Variants in CNTN5 observed in about 807,000 individuals in gnomAD.
The protein encoded by CNTN5 is contactin-5.
In CNTN5, 77 loss-of-function variants were observed where a neutral mutation model predicts 129.1. The ratio of observed to expected loss-of-function variants is 0.60; its 90% CI spans 0.50 to 0.72. The LOEUF (loss-of-function observed/expected upper bound fraction) is 0.72. CNTN5 is among the 30% of genes least tolerant of loss of function. CNTN5 has a pLI of 0.00. For missense variants in CNTN5, 1,478 were observed against 1,328.8 expected (o/e 1.11, Z -1.75); for synonymous variants, 509 against 465.6 (o/e 1.09, Z -1.20).
intron 1 of CNTN5, among the ~76,000 whole-genome samples, 178 bp downstream of exon 1, chr11:99,021,448 T>A (rs1862865957): frequency 6.6e-6 from 1 of 152,182 alleles, no homozygotes; most frequent in Middle Eastern, 3.2e-3. Flanking sequence ...AAACACGACT[T>A]TATTTCCTGC....
intron 6 of CNTN5, among the ~76,000 whole-genome samples, chr11:99,855,673 A>G (rs192319922): frequency 2.5e-4 from 38 of 152,310 alleles, no homozygotes; most frequent in African/African-American, 9.1e-4. Flanking sequence ...CAAGTAAGGT[A>G]TCTAGATCCT....
intron 2 of CNTN5, among the ~76,000 whole-genome samples, chr11:99,511,014 T>C (rs932808367): frequency 2.0e-5 from 3 of 152,164 alleles, no homozygotes. Flanking sequence ...TCCTGACCCT[T>C]TGCAGGCCTC....
At chr11:99,586,070 T>G (rs545019548) in intron 3 of CNTN5, among the ~76,000 whole-genome samples, 2 of 152,270 alleles carry the variant, frequency 1.3e-5, no homozygotes, top group Non-Finnish European at 2.9e-5. Context: ...TATCATGTAT[T>G]TCATTCATTT....
chr11:100,166,612 A>AGTG (rs1435843287), intron 13 of CNTN5, among the ~76,000 whole-genome samples: 5 of 143,082 alleles, frequency 3.5e-5, no homozygotes, highest in African/African-American at 1.5e-4. Context: ...TTTAAGAAGA[A>AGTG]ATGTTATAAG....
intron 9 of CNTN5, among the ~76,000 whole-genome samples, chr11:100,040,913 C>T (rs1414972094): frequency 2.0e-5 from 3 of 152,178 alleles, no homozygotes; most frequent in South Asian, 2.1e-4. Context: ...TTCCCTGACC[C>T]CTTGTGCTTC....
Position 99,840,269 on chromosome 11 carries a change from T to C in CNTN5, c.278-4583T>C, listed in dbSNP as rs1383470358. On this transcript the variant is annotated intron_variant, in intron 4 of 24. Transcript: ENST00000524871. ...TAATGATAAAGAAAGAATACATACA[T>C]CTTAACTATGCAAAAAGGAATACAG... 2.6e-5 allele frequency among the ~76,000 whole-genome samples: 4 copies of C among 152,062 alleles called. No homozygotes were observed. The East Asian group carries it at 7.7e-4, about 29-fold the overall frequency.
chr11:100,003,607 C>T (rs1940010597), intron 9 of CNTN5, among the ~76,000 whole-genome samples: 1 of 152,104 alleles, frequency 6.6e-6, no homozygotes, highest in Non-Finnish European at 1.5e-5. Context: ...ATAAATATTT[C>T]CCCAGGCAAG....
At chr11:100,271,276 T>C in intron 18 of CNTN5, 35 bp downstream of exon 18, 1 of 1,540,686 alleles carries the variant, frequency 6.5e-7, no homozygotes, top group Non-Finnish European at 8.8e-7. Context: ...GGATTTGGTA[T>C]GCTTCTAATC....
At chr11:100,016,911 C>T (rs2137545571) in intron 9 of CNTN5, among the ~76,000 whole-genome samples, 1 of 151,546 alleles carries the variant, frequency 6.6e-6, no homozygotes, top group East Asian at 1.9e-4. Flanking sequence ...GAACAGGTTC[C>T]ATGTCAAAGC....
At chr11:99,297,443 A>G (rs1864439823) in intron 1 of CNTN5, among the ~76,000 whole-genome samples, 1 of 148,328 alleles carries the variant, frequency 6.7e-6, no homozygotes, top group African/African-American at 2.5e-5. Context: ...AGTGCAAGGC[A>G]GATTAATCCA....
chr11:99,941,149 T>C (rs1950425949), intron 7 of CNTN5, among the ~76,000 whole-genome samples: 1 of 152,076 alleles, frequency 6.6e-6, no homozygotes, highest in African/African-American at 2.4e-5. Context: ...ATTTTATTTA[T>C]GTCAATCTAA....
chr11:100,074,317 A>G (rs1436472786), intron 13 of CNTN5, 23 bp downstream of exon 13: 1 of 1,555,932 alleles, frequency 6.4e-7, no homozygotes, highest in East Asian at 2.4e-5. Flanking sequence ...TTTATAATTC[A>G]AGTTCAACAT....
chr11:99,060,411 G>T (rs1864825366), intron 1 of CNTN5, among the ~76,000 whole-genome samples: 1 of 151,982 alleles, frequency 6.6e-6, no homozygotes, highest in Non-Finnish European at 1.5e-5. Context: ...GATTTATACG[G>T]GTTGTAGAAA....
At chr11:100,116,707 A>T (rs530639481) in intron 13 of CNTN5, among the ~76,000 whole-genome samples, 1 of 152,032 alleles carries the variant, frequency 6.6e-6, no homozygotes, top group African/African-American at 2.4e-5. Context: ...CTCTTAATCT[A>T]TTATTCTTGA....
intron 2 of CNTN5, among the ~76,000 whole-genome samples, chr11:99,413,523 G>C (rs528630195): frequency 6.6e-6 from 1 of 152,086 alleles, no homozygotes; most frequent in African/African-American, 2.4e-5. Context: ...GGAGGCTGAC[G>C]CATGAGAATT....
chr11:99,622,502 G>A (rs907091796), intron 3 of CNTN5, among the ~76,000 whole-genome samples: 9 of 152,130 alleles, frequency 5.9e-5, no homozygotes, highest in African/African-American at 2.2e-4. Context: ...ATCTGGGGAA[G>A]ATTATAGAGA....
chr11:99,639,183 C>A (rs1951675021), intron 3 of CNTN5, among the ~76,000 whole-genome samples: 1 of 152,208 alleles, frequency 6.6e-6, no homozygotes, highest in Admixed American at 6.5e-5. Flanking sequence ...GAAGCCACAG[C>A]CTGAGCTGTA....
rs117947811 is a variant in CNTN5, at chr11:99,397,402, C to A, written c.-71+71918C>A. ...TGTAGTATACTCTTAGGAAGAAAGT[C>A]ATTATGCACTTAAGGAGTGGGCAGT... On this transcript the variant is annotated intron_variant, in intron 2 of 24. Transcript: ENST00000524871. Among the ~76,000 whole-genome samples, 416 of 151,838 alleles carry A rather than the reference C, an allele frequency of 2.7e-3. 12 individuals carry two copies. In the East Asian group the frequency reaches 0.047, roughly 17 times the overall value.
intron 21 of CNTN5, chr11:100,337,234 G>C: frequency 1.9e-6 from 3 of 1,539,576 alleles, no homozygotes; most frequent in Non-Finnish European, 2.7e-6. Flanking sequence ...ATATGTGAAA[G>C]TGGCAGGCCA....
Sources: gnomAD v4.1 joint callset for allele counts (sites outside exome capture counted in the v4.1 genomes callset) on GRCh38, gnomAD v4.1.1 for gene constraint, MANE v1.5 for transcripts, NCBI Gene and HGNC (gene_info 2026-07-23, HGNC 2026-07-21) for gene names.